MED20: variants seen among roughly 807,000 people sequenced by gnomAD.
MED20 encodes mediator complex subunit 20.
Under a neutral mutation model 19.7 loss-of-function variants are expected in MED20, and 19 were observed. That is an observed-to-expected ratio of 0.96 (90% CI 0.67 to 1.42). The LOEUF (loss-of-function observed/expected upper bound fraction) is 1.42, where lower values mean the gene tolerates loss of function less well. Among genes scored for constraint, MED20 ranks in the 40% most tolerant of loss-of-function variants. The pLI, the probability that MED20 is intolerant of heterozygous loss-of-function variation, is 0.00. For missense variants in MED20, 225 were observed against 273.0 expected (o/e 0.82, Z 1.24); for synonymous variants, 105 against 104.8 (o/e 1.00, Z -0.01).
chr6:41,912,605 C>A (rs1244339996), intron 2 of MED20, among the ~76,000 whole-genome samples: 1 of 152,070 alleles, frequency 6.6e-6, no homozygotes, highest in Non-Finnish European at 1.5e-5. Flanking sequence ...GATCTGCCCG[C>A]CTCGGCCTCC....
chr6:41,909,146 C>T (rs1179237237), intron 3 of MED20, 123 bp downstream of exon 3: 4 of 1,350,336 alleles, frequency 3.0e-6, no homozygotes, highest in African/African-American at 1.5e-5. Context: ...TGCATTCCAG[C>T]CTGGGTGACA....
intron 1 of MED20, 37 bp downstream of exon 1, chr6:41,920,968 T>C: frequency 6.2e-7 from 1 of 1,603,258 alleles, no homozygotes; most frequent in Non-Finnish European, 8.5e-7. Context: ...CTTTCACAAC[T>C]CCAAGCCCCG....
chr6:41,910,098 AGAAGTTTAGACTGT>A (rs1358421480), intron 2 of MED20, among the ~76,000 whole-genome samples: 1 of 152,114 alleles, frequency 6.6e-6, no homozygotes, highest in East Asian at 1.9e-4. Flanking sequence ...CCATGCCTCA[AGAAGTTTAGACTGT>A]ATCCTGAAAC....
At chr6:41,909,789 T>C (rs1050310981) in intron 2 of MED20, among the ~76,000 whole-genome samples, 1 of 152,228 alleles carries the variant, frequency 6.6e-6, no homozygotes, top group African/African-American at 2.4e-5. Context: ...GTGTTGATCA[T>C]GTTTTAATTC....
At chr6:41,919,795 T>A (rs1237710894) in intron 1 of MED20, among the ~76,000 whole-genome samples, 1 of 152,214 alleles carries the variant, frequency 6.6e-6, no homozygotes, top group African/African-American at 2.4e-5. Flanking sequence ...GAGCAAGGGT[T>A]CCAGGGTTCT....
At chr6:41,909,722 G>A (rs767447033) in intron 2 of MED20, among the ~76,000 whole-genome samples, 200 bp from the exon 3 acceptor site, 13 of 152,082 alleles carry the variant, frequency 8.5e-5, no homozygotes, top group Non-Finnish European at 1.9e-4. Context: ...GGCAGCATGT[G>A]GTAAAACCCA....
At position 41,916,799 on chromosome 6, in the gene MED20, G is replaced by A; in HGVS notation, c.155C>T (p.Thr52Ile). The A allele has an allele frequency of 2.5e-6, 4 of 1,614,068 alleles. No homozygotes were observed. The highest frequency in any genetic ancestry group is 3.4e-6 in the Non-Finnish European group (4 of 1,179,962). Reference sequence around the variant, plus strand: ...ATCTCACTGACCTTGGCTGCCAAGGGTAGAGGCGGCCGTATGGTAAGTCTC... The same window carrying A: ...ATCTCACTGACCTTGGCTGCCAAGGATAGAGGCGGCCGTATGGTAAGTCTC... ...DCETYHTAASTLGSQGQTGKL... is the reference protein window; with the variant it reads ...DCETYHTAASILGSQGQTGKL... The change falls in exon 2 of 4, where the codon ACC becomes ATC. Residue 52 changes from threonine to isoleucine, a missense_variant. By Grantham distance (89) the Thr-to-Ile change is moderately conservative. Transcript: ENST00000265350.
Position 41,911,162 on chromosome 6 carries a change from T to C in MED20, c.170-1640A>G, listed in dbSNP as rs544868815. Among the ~76,000 whole-genome samples the C allele has an allele frequency of 7.2e-5, 11 of 151,788 alleles. No individual in the cohort carries two copies. The South Asian group carries it at 1.7e-3, about 23-fold the overall frequency. On this transcript the variant is annotated intron_variant, in intron 2 of 3. Coordinates refer to ENST00000265350, the MANE Select transcript of MED20 (RefSeq NM_004275.5). ...GAGAGATAGGCTAAAAACTTTTTTT[T>C]TTTTTTGAGACAGAGTCTCACTCTG... is the stretch of plus-strand genomic sequence containing the variant.
At chr6:41,909,609 C>A in intron 2 of MED20, 87 bp from the exon 3 acceptor site, 2 of 1,552,742 alleles carry the variant, frequency 1.3e-6, no homozygotes, top group Non-Finnish European at 1.8e-6. Context: ...CGGAATGAGG[C>A]CAGACAGCAA....
At position 41,907,166 on chromosome 6, in the gene MED20, G is replaced by A. The variant is rs113961195; in HGVS notation, c.545C>T (p.Ala182Val). 1.2e-4 allele frequency: 190 copies of A among 1,614,042 alleles called. No homozygotes were observed. The highest frequency in any genetic ancestry group is 1.4e-4 in the Non-Finnish European group (169 of 1,180,020). The change falls in exon 4 of 4, where the codon GCG (alanine) becomes GTG (valine). Residue 182 changes from alanine to valine, a missense_variant. Physicochemically the swap from Ala to Val is moderately conservative, Grantham distance 64 (BLOSUM62 0). Transcript: ENST00000265350. ...CATGGTATCTGCTGGGCCGTAGACCGCATCATGTCTGTTCCCAAACACTGC... is the reference window on the plus strand; with the variant it reads ...CATGGTATCTGCTGGGCCGTAGACCACATCATGTCTGTTCCCAAACACTGC... The part of the protein sequence containing the change: ...APAVFGNRHD[A>V]VYGPADTMVQ...
Position 41,917,016 on chromosome 6 carries a change from A to C in MED20, c.15-77T>G, listed in dbSNP as rs1026933122. On this transcript the variant is annotated intron_variant, in intron 1 of 3. Transcript: ENST00000265350. Reference sequence around the variant, plus strand: ...ACTGAGCCATTCACTCGCCCACAGCATCACAGCTCATCAGGGCCAAAAGTT... The same window carrying C: ...ACTGAGCCATTCACTCGCCCACAGCCTCACAGCTCATCAGGGCCAAAAGTT... 6 of 1,506,138 alleles carry C rather than the reference A, an allele frequency of 4.0e-6. No homozygotes were observed. The African/African-American group carries it at 8.2e-5, about 21-fold the overall frequency. The allele number at this position is 1,506,138 out of a possible 1,614,324, so 93.3% of individuals were successfully genotyped here. A position where few individuals can be genotyped will look rare whatever the true frequency, so the allele number is the denominator to read the frequency against.
In MED20 at chr6:41,906,748, G is replaced by A; in HGVS notation, c.*324C>T. The A allele has an allele frequency of 3.3e-6, 1 of 301,746 alleles. No homozygotes were observed. Among genetic ancestry groups the A allele is most frequent in the Non-Finnish European group, 6.3e-6 (1 of 158,166 alleles). 18.7% of individuals were successfully genotyped at this position (301,746 alleles called of 1,614,324 possible). On this transcript the variant is annotated 3_prime_UTR_variant, in exon 4 of 4. Transcript: ENST00000265350. ...GGGATACGGACTATTTCCCCCACCA[G>A]TACCAGGCAGGGACATTCCTGTCCT... is the stretch of plus-strand genomic sequence containing the variant.
chr6:41,921,129 T>G lies in MED20; in HGVS notation c.-111A>C. The G allele has an allele frequency of 7.0e-7, 1 of 1,419,150 alleles. No homozygotes were observed. The highest frequency in any genetic ancestry group is 1.3e-5 in the South Asian group (1 of 79,380). 87.9% of individuals were successfully genotyped at this position (1,419,150 alleles called of 1,614,324 possible). ...CACAACCTTCTGTCTCAGAAGGGACTCCGGAAATACGTAAAAACAGAGCGC... is the reference window on the plus strand; with the variant it reads ...CACAACCTTCTGTCTCAGAAGGGACGCCGGAAATACGTAAAAACAGAGCGC... On this transcript the variant is annotated 5_prime_UTR_variant, in exon 1 of 4. Coordinates refer to ENST00000265350, the MANE Select transcript of MED20 (RefSeq NM_004275.5).
rs886241156 is a variant in MED20, at chr6:41,920,871, G to C, written c.14+134C>G. ...ACAAGCCCGGGGAACCCGCAGCCCGGACGGCATCCTCTCATCTACACAACC... is the reference window on the plus strand; with the variant it reads ...ACAAGCCCGGGGAACCCGCAGCCCGCACGGCATCCTCTCATCTACACAACC... On this transcript the variant is annotated intron_variant, in intron 1 of 3. Transcript: ENST00000265350. 4 of 1,138,146 alleles carry C rather than the reference G, an allele frequency of 3.5e-6. No individual in the cohort carries two copies. In the African/African-American group the frequency reaches 6.5e-5, roughly 18 times the overall value. 70.5% of individuals were successfully genotyped at this position (1,138,146 alleles called of 1,614,324 possible). A position where few individuals can be genotyped will look rare whatever the true frequency, so the allele number is the denominator to read the frequency against.
intron 2 of MED20, among the ~76,000 whole-genome samples, chr6:41,915,096 TGA>T (rs1287736925): frequency 1.3e-5 from 2 of 152,198 alleles, no homozygotes; most frequent in African/African-American, 4.8e-5. Context: ...TGATTAACCC[TGA>T]GAAACACTGC....
chr6:41,914,127 C>T (rs570016404), intron 2 of MED20, among the ~76,000 whole-genome samples: 1 of 152,236 alleles, frequency 6.6e-6, no homozygotes, highest in South Asian at 2.1e-4. Flanking sequence ...GATGGTGGCA[C>T]AACCCAAAGA....
intron 1 of MED20, 30 bp downstream of exon 1, chr6:41,920,975 C>T (rs771004910): frequency 6.2e-7 from 1 of 1,606,666 alleles, no homozygotes; most frequent in Admixed American, 1.7e-5. Context: ...AACTCCAAGC[C>T]CCGCCCCACA....
At chr6:41,911,883 C>T (rs780891458) in intron 2 of MED20, among the ~76,000 whole-genome samples, 2 of 152,116 alleles carry the variant, frequency 1.3e-5, no homozygotes, top group South Asian at 2.1e-4. Flanking sequence ...AAGCCGACCT[C>T]GTCATTCTGT....
chr6:41,915,975 G>A (rs1775306269), intron 2 of MED20, among the ~76,000 whole-genome samples: 1 of 152,182 alleles, frequency 6.6e-6, no homozygotes, highest in South Asian at 2.1e-4. Flanking sequence ...AGCCAGGAGT[G>A]GTGGCTCATA....
Sources: gnomAD v4.1 joint callset for allele counts (sites outside exome capture counted in the v4.1 genomes callset) on GRCh38, gnomAD v4.1.1 for gene constraint, MANE v1.5 for transcripts, NCBI Gene and HGNC (gene_info 2026-07-23, HGNC 2026-07-21) for gene names.